EDNRA: variants seen among roughly 807,000 people sequenced by gnomAD.
EDNRA encodes endothelin receptor type A, also known as endothelin-1 receptor.
In EDNRA, 11 loss-of-function variants were observed where a neutral mutation model predicts 41.4. The observed-to-expected ratio is 0.27, with a 90% CI of 0.17 to 0.44. The LOEUF is 0.44. EDNRA is among the 20% of genes least tolerant of loss of function. The probability of loss-of-function intolerance (pLI) is 1.00; values close to 1 mark genes in which losing one functional copy is unlikely to be tolerated. For synonymous variants in EDNRA, 172 were observed against 183.0 expected, an observed-to-expected ratio of 0.94 and a Z score of 0.49; for missense variants, 294 against 531.0, an observed-to-expected ratio of 0.55 and a Z score of 4.39.
intron 3 of EDNRA, among the ~76,000 whole-genome samples, chr4:147,530,031 T>C (rs971668853): frequency 6.6e-6 from 1 of 152,334 alleles, no homozygotes; most frequent in Non-Finnish European, 1.5e-5. Context: ...TTCTACTTAT[T>C]TGTGAATGTT....
At chr4:147,514,125 G>C (rs748695358) in intron 2 of EDNRA, among the ~76,000 whole-genome samples, 2 of 152,122 alleles carry the variant, frequency 1.3e-5, no homozygotes, top group Non-Finnish European at 2.9e-5. Flanking sequence ...TAACCCATTT[G>C]AGCACCCCAA....
At chr4:147,484,840 A>G (rs192267913) in intron 1 of EDNRA, among the ~76,000 whole-genome samples, 1 of 152,374 alleles carries the variant, frequency 6.6e-6, no homozygotes, top group African/African-American at 2.4e-5. Flanking sequence ...TTCAAAACAA[A>G]TGTTTTTATC....
chr4:147,521,633 A>G (rs1730323991), intron 3 of EDNRA, among the ~76,000 whole-genome samples: 1 of 152,242 alleles, frequency 6.6e-6, no homozygotes, highest in South Asian at 2.1e-4. Flanking sequence ...TCTAAAAATT[A>G]AAAGCATTAA....
At position 147,542,624 on chromosome 4, in the gene EDNRA, C is replaced by G. The variant is rs752043901; in HGVS notation, c.*6C>G. On this transcript the variant is annotated 3_prime_UTR_variant, in exon 8 of 8. Transcript: ENST00000651419. ...ATAAGGACAGCATGAACTGACCACCCTTAGAAGCACTCCTCGGTACTCCCA... is the reference window on the plus strand; with the variant it reads ...ATAAGGACAGCATGAACTGACCACCGTTAGAAGCACTCCTCGGTACTCCCA... The G allele has an allele frequency of 3.7e-6, 6 of 1,613,672 alleles. No individual in the cohort carries two copies. In the South Asian group the frequency reaches 6.6e-5, roughly 18 times the overall value.
intron 2 of EDNRA, among the ~76,000 whole-genome samples, chr4:147,504,223 T>C (rs1431799085): frequency 2.6e-5 from 4 of 152,222 alleles, no homozygotes; most frequent in African/African-American, 4.8e-5. Flanking sequence ...AACTCTCCCA[T>C]TGGCAGTTCT....
intron 4 of EDNRA, among the ~76,000 whole-genome samples, chr4:147,533,195 G>A (rs868034825): frequency 6.6e-6 from 1 of 152,080 alleles, no homozygotes; most frequent in Non-Finnish European, 1.5e-5. Context: ...GTACTTACAT[G>A]TACTTATATT....
rs61086622 is a variant in EDNRA, at chr4:147,532,148, TAA to T, written c.549-340_549-339del. On this transcript the variant is annotated intron_variant, in intron 3 of 7. Transcript: ENST00000651419. ...TAGCACGGTGAAACCCCGTCTCTAC[TAA>T]AAAAAAAAAAAAAAAAATACAAAAA... Among the ~76,000 whole-genome samples, 724 of 114,592 alleles carry T rather than the reference TAA, an allele frequency of 6.3e-3. 11 individuals are homozygous for T. Among genetic ancestry groups the T allele is most frequent in the African/African-American group, 0.021 (669 of 32,502 alleles). The allele number at this position is 114,592 out of a possible 152,430, so 75.2% of individuals were successfully genotyped here.
At chr4:147,524,044 A>G (rs1030551083) in intron 3 of EDNRA, among the ~76,000 whole-genome samples, 1 of 152,174 alleles carries the variant, frequency 6.6e-6, no homozygotes, top group African/African-American at 2.4e-5. Flanking sequence ...ATCTCTGGAA[A>G]GGGAAGGAAG....
chr4:147,508,343 T>G (rs1729799410), intron 2 of EDNRA, among the ~76,000 whole-genome samples: 1 of 152,176 alleles, frequency 6.6e-6, no homozygotes, highest in Non-Finnish European at 1.5e-5. Context: ...TTCGCCATGT[T>G]GTCCAGGCTG....
chr4:147,503,357 CA>C (rs1331052782), intron 2 of EDNRA, among the ~76,000 whole-genome samples: 7 of 152,038 alleles, frequency 4.6e-5, no homozygotes, highest in Admixed American at 3.3e-4. Context: ...ACAACACTCT[CA>C]ATCTACTGAG....
Position 147,485,851 on chromosome 4 carries a change from T to C in EDNRA, c.170T>C (p.Leu57Ser). The C allele has an allele frequency of 6.2e-7, 1 of 1,614,252 alleles. No homozygotes were observed. Among genetic ancestry groups the C allele is most frequent in the Non-Finnish European group, 8.5e-7 (1 of 1,180,048 alleles). Residue 57 changes from leucine (L) to serine (S), a missense_variant, in exon 2 of 8, where the codon TTG becomes TCG. Physicochemically the swap from Leu to Ser is moderately radical, Grantham distance 145. Transcript: ENST00000651419. ...GTTACCACTCATCAACCCACTAATT[T>C]GGTCCTACCCAGCAATGGCTCAATG... The part of the protein sequence containing the change: ...FLVTTHQPTN[L>S]VLPSNGSMHN...
chr4:147,498,699 C>T (rs1407222355), intron 2 of EDNRA, among the ~76,000 whole-genome samples: 3 of 152,226 alleles, frequency 2.0e-5, no homozygotes, highest in Non-Finnish European at 4.4e-5. Flanking sequence ...TGGCTCTCAT[C>T]TACCTCCATT....
chr4:147,505,736 C>G (rs1390857280), intron 2 of EDNRA, among the ~76,000 whole-genome samples: 1 of 148,134 alleles, frequency 6.8e-6, no homozygotes, highest in African/African-American at 2.5e-5. Flanking sequence ...GCAAGCTCCG[C>G]CTCCTGGGTT....
chr4:147,511,806 T>G (rs1379246475), intron 2 of EDNRA, among the ~76,000 whole-genome samples: 1 of 152,172 alleles, frequency 6.6e-6, no homozygotes, highest in Admixed American at 6.5e-5. Context: ...ACTATAAAAC[T>G]TTTCCATTAG....
In EDNRA at chr4:147,542,734, AC is replaced by A. The variant is rs1370620597; in HGVS notation, c.*119del. The A allele has an allele frequency of 9.6e-6, 13 of 1,361,216 alleles. No homozygotes were observed. The East Asian group carries it at 3.2e-4, about 34-fold the overall frequency. 84.3% of individuals were successfully genotyped at this position (1,361,216 alleles called of 1,614,324 possible). A position where few individuals can be genotyped will look rare whatever the true frequency, so the allele number is the denominator to read the frequency against. Reference sequence around the variant, plus strand: ...TCCTTCTTCCTTAATTCACTCCCACACCCAAGAAGAAATGCTTTCCAAAACC... The same window carrying A: ...TCCTTCTTCCTTAATTCACTCCCACACCAAGAAGAAATGCTTTCCAAAACC... On this transcript the variant is annotated 3_prime_UTR_variant, in exon 8 of 8. Transcript: ENST00000651419.
At position 147,495,952 on chromosome 4, in the gene EDNRA, T is replaced by A. The variant is rs894152441; in HGVS notation, c.420+9851T>A. On this transcript the variant is annotated intron_variant, in intron 2 of 7. Transcript: ENST00000651419. ...AATCCTCAATTTTTAAAGATTTGCA[T>A]ATAAAACGTACCTTTTGTGAAACCT... The A allele has an allele frequency of 2.6e-5, 4 of 152,386 alleles. No homozygotes were observed. In the East Asian group the frequency reaches 7.7e-4, roughly 29 times the overall value. The allele number at this position is 152,386 out of a possible 1,614,324, so 9.4% of individuals were successfully genotyped here.
At chr4:147,497,710 T>C (rs1729358708) in intron 2 of EDNRA, among the ~76,000 whole-genome samples, 1 of 152,110 alleles carries the variant, frequency 6.6e-6, no homozygotes, top group Non-Finnish European at 1.5e-5. Flanking sequence ...TAGCTGGGAC[T>C]ACAGGTGCCC....
At chr4:147,527,600 A>C (rs975373271) in intron 3 of EDNRA, among the ~76,000 whole-genome samples, 2 of 152,146 alleles carry the variant, frequency 1.3e-5, no homozygotes, top group Admixed American at 6.5e-5. Context: ...AAGTTCTTTC[A>C]AGAATAAACA....
At chr4:147,499,605 T>C (rs753992337) in intron 2 of EDNRA, among the ~76,000 whole-genome samples, 50 of 152,196 alleles carry the variant, frequency 3.3e-4, no homozygotes, top group Middle Eastern at 3.2e-3. Context: ...TTTTAAACTC[T>C]TTGTCACACA....
Sources: gnomAD v4.1 joint callset for allele counts (sites outside exome capture counted in the v4.1 genomes callset) on GRCh38, gnomAD v4.1.1 for gene constraint, MANE v1.5 for transcripts, NCBI Gene and HGNC (gene_info 2026-07-23, HGNC 2026-07-21) for gene names.